GNA12: variants seen among roughly 807,000 people sequenced by gnomAD.
The protein encoded by GNA12 is guanine nucleotide-binding protein subunit alpha-12.
Under a neutral mutation model 26.0 loss-of-function variants are expected in GNA12, and 9 were observed. The ratio of observed to expected loss-of-function variants is 0.35; its 90% CI spans 0.21 to 0.60. The LOEUF (loss-of-function observed/expected upper bound fraction) is 0.60, where lower values mean the gene tolerates loss of function less well. Ranked by LOEUF, GNA12 falls within the 20% of genes least tolerant of loss-of-function variation. GNA12 has a pLI of 0.78. For missense variants in GNA12, 405 were observed against 525.8 expected (o/e 0.77, Z 2.25); for synonymous variants, 264 against 219.6 (o/e 1.20, Z -1.79).
intron 1 of GNA12, among the ~76,000 whole-genome samples, chr7:2,835,322 G>T (rs757988971): frequency 3.9e-5 from 6 of 152,176 alleles, no homozygotes; most frequent in Non-Finnish European, 8.8e-5. Flanking sequence ...GCCCAGTCAG[G>T]AAGTGACGAG....
chr7:2,762,959 G>C (rs973334453), intron 2 of GNA12: 7 of 1,362,610 alleles, frequency 5.1e-6, no homozygotes, highest in South Asian at 1.8e-5. Flanking sequence ...CCGTGCCAGG[G>C]TCTCCTGCTC....
intron 1 of GNA12, among the ~76,000 whole-genome samples, chr7:2,803,108 A>C (rs1792854300): frequency 6.6e-6 from 1 of 152,214 alleles, no homozygotes; most frequent in African/African-American, 2.4e-5. Flanking sequence ...GAAAACCCAA[A>C]AGGCGGTAAA....
At chr7:2,839,348 C>A (rs1041882752) in intron 1 of GNA12, among the ~76,000 whole-genome samples, 5 of 152,086 alleles carry the variant, frequency 3.3e-5, no homozygotes, top group Admixed American at 3.3e-4. Flanking sequence ...ATCCTCCCAC[C>A]CGCCTCCCAG....
chr7:2,768,815 T>C (rs935082150), intron 2 of GNA12, among the ~76,000 whole-genome samples: 1 of 151,934 alleles, frequency 6.6e-6, no homozygotes, highest in Non-Finnish European at 1.5e-5. Flanking sequence ...TATGTGTATA[T>C]TGTATGTGGA....
intron 1 of GNA12, chr7:2,835,786 G>T: frequency 2.8e-6 from 2 of 702,366 alleles, no homozygotes; most frequent in East Asian, 2.7e-5. Flanking sequence ...TGCTCGTGAC[G>T]GTACCATGCT....
intron 1 of GNA12, among the ~76,000 whole-genome samples, chr7:2,821,268 C>T (rs941592182): frequency 2.6e-4 from 40 of 152,308 alleles, no homozygotes; most frequent in African/African-American, 8.7e-4. Context: ...GGAGACTCTC[C>T]GCCTGTTCAA....
intron 2 of GNA12, among the ~76,000 whole-genome samples, chr7:2,793,274 A>G (rs972497700): frequency 6.1e-5 from 9 of 146,982 alleles, no homozygotes; most frequent in Admixed American, 6.0e-4. Context: ...AGGATCCAGC[A>G]GACAGGAGCG....
intron 2 of GNA12, among the ~76,000 whole-genome samples, chr7:2,770,447 G>A (rs2115420026): frequency 6.6e-6 from 1 of 152,220 alleles, no homozygotes; most frequent in South Asian, 2.1e-4. Flanking sequence ...TTGTCCATTG[G>A]AGTTGGCATT....
intron 1 of GNA12, among the ~76,000 whole-genome samples, chr7:2,804,128 A>AC (rs543083044): frequency 0.013 from 1,981 of 152,082 alleles, 44 homozygotes; most frequent in African/African-American, 0.044. Context: ...TGAGAACACA[A>AC]ACACACAAAA....
chr7:2,741,545 GA>G (rs752548752), intron 2 of GNA12, among the ~76,000 whole-genome samples: 3 of 152,160 alleles, frequency 2.0e-5, no homozygotes, highest in Non-Finnish European at 2.9e-5. Flanking sequence ...GTAGTAGCCA[GA>G]ACCCAAATTC....
chr7:2,806,013 G>T (rs909820906), intron 1 of GNA12, among the ~76,000 whole-genome samples: 1 of 152,192 alleles, frequency 6.6e-6, no homozygotes, highest in Non-Finnish European at 1.5e-5. Context: ...TGTTGCAATT[G>T]TAATATTTTG....
At chr7:2,757,160 G>A (rs1263889803) in intron 2 of GNA12, among the ~76,000 whole-genome samples, 1 of 128,148 alleles carries the variant, frequency 7.8e-6, no homozygotes, top group Non-Finnish European at 1.6e-5. Context: ...TTTTGAGACG[G>A]AGTCTTGCTC....
Position 2,780,051 on chromosome 7 carries a change from CATATATATATATATATATATAT to C in GNA12, c.525+14855_525+14876del, listed in dbSNP as rs3996399. ...CTAGTTTTTTACACATTTCTGTGTACATATATATATATATATATATATATATATATATATATATATATGCCTG... is the reference window on the plus strand; with the variant it reads ...CTAGTTTTTTACACATTTCTGTGTACATATATATATATATATATATGCCTG... On this transcript the variant is annotated intron_variant, in intron 2 of 3. Transcript: ENST00000275364. 6.2e-3 allele frequency among the ~76,000 whole-genome samples: 385 copies of C among 62,212 alleles called. 7 individuals carry two copies. Among genetic ancestry groups the C allele is most frequent in the African/African-American group, 0.011 (200 of 17,456 alleles). 40.8% of individuals were successfully genotyped at this position (62,212 alleles called of 152,430 possible).
At chr7:2,809,117 G>A (rs77706734) in intron 1 of GNA12, among the ~76,000 whole-genome samples, 409 of 152,138 alleles carry the variant, frequency 2.7e-3, no homozygotes, top group African/African-American at 9.0e-3. Flanking sequence ...GACCACTTCC[G>A]GCTGGCTACC....
At chr7:2,805,320 G>C (rs763111709) in intron 1 of GNA12, among the ~76,000 whole-genome samples, 5 of 152,332 alleles carry the variant, frequency 3.3e-5, no homozygotes, top group Non-Finnish European at 5.9e-5. Flanking sequence ...GCGAGGAATA[G>C]CATTATGCCC....
intron 1 of GNA12, among the ~76,000 whole-genome samples, chr7:2,829,017 G>A (rs1464558498): frequency 6.6e-6 from 1 of 151,584 alleles, no homozygotes; most frequent in South Asian, 2.1e-4. Context: ...AGGCTGCAGC[G>A]AGCCAAGATC....
chr7:2,764,578 A>C (rs1791725798), intron 2 of GNA12: 1 of 152,186 alleles, frequency 6.6e-6, no homozygotes, highest in African/African-American at 2.4e-5. Flanking sequence ...CTGACATGTG[A>C]ATGAATGATC....
intron 1 of GNA12, among the ~76,000 whole-genome samples, chr7:2,800,903 G>C (rs1019287265): frequency 2.0e-5 from 3 of 152,120 alleles, no homozygotes; most frequent in African/African-American, 7.2e-5. Flanking sequence ...CCAAACTCTT[G>C]CCTTTCCAAA....
intron 1 of GNA12, among the ~76,000 whole-genome samples, chr7:2,832,930 C>G (rs952162200): frequency 1.7e-4 from 26 of 152,306 alleles, no homozygotes; most frequent in African/African-American, 5.5e-4. Flanking sequence ...ATTTGGTCAA[C>G]AGAATCAACC....
Sources: gnomAD v4.1 joint callset for allele counts (sites outside exome capture counted in the v4.1 genomes callset) on GRCh38, gnomAD v4.1.1 for gene constraint, MANE v1.5 for transcripts, NCBI Gene and HGNC (gene_info 2026-07-23, HGNC 2026-07-21) for gene names.